Variants in LRRK1 observed in about 807,000 individuals in gnomAD.
LRRK1 encodes leucine rich repeat kinase 1, also known as leucine-rich repeat serine/threonine-protein kinase 1.
Under a neutral mutation model 209.1 loss-of-function variants are expected in LRRK1, and 113 were observed. That is an observed-to-expected ratio of 0.54 (90% CI 0.46 to 0.63). The LOEUF is 0.63. Ranked by LOEUF, LRRK1 falls within the 30% of genes least tolerant of loss-of-function variation. The pLI is 0.00. For synonymous variants in LRRK1, 1,144 were observed against 1,099.7 expected, an observed-to-expected ratio of 1.04 and a Z score of -0.80; for missense variants, 2,284 against 2,632.2, an observed-to-expected ratio of 0.87 and a Z score of 2.89.
Position 101,009,150 on chromosome 15 carries a change from G to A in LRRK1, c.989+87G>A, listed in dbSNP as rs535695842. The A allele has an allele frequency of 4.6e-4, 500 of 1,082,226 alleles. 1 individual carries two copies. The African/African-American group carries it at 7.6e-3, about 17-fold the overall frequency. The allele number at this position is 1,082,226 out of a possible 1,614,324, so 67.0% of individuals were successfully genotyped here. ...ACATGCTCCCGGGTTGTATTTTGTG[G>A]TTTTGGGGGAAAAATGTTCTGGCTA... On this transcript the variant is annotated intron_variant, in intron 7 of 33. Coordinates refer to ENST00000388948, the MANE Select transcript of LRRK1 (RefSeq NM_024652.6).
chr15:101,027,500 G>A lies in LRRK1; in HGVS notation c.2526+119G>A. The A allele has an allele frequency of 6.6e-7, 1 of 1,509,372 alleles. No individual in the cohort carries two copies. The highest frequency in any genetic ancestry group is 8.9e-7 in the Non-Finnish European group (1 of 1,120,376). The allele number at this position is 1,509,372 out of a possible 1,614,324, so 93.5% of individuals were successfully genotyped here. A position where few individuals can be genotyped will look rare whatever the true frequency, so the allele number is the denominator to read the frequency against. Reference sequence around the variant, plus strand: ...GTGTGGCAAGGCTCGGTGGTTCCTGGTGAGGGAGGGTCAGGATGGAAGATA... The same window carrying A: ...GTGTGGCAAGGCTCGGTGGTTCCTGATGAGGGAGGGTCAGGATGGAAGATA... On this transcript the variant is annotated intron_variant, in intron 18 of 33. Transcript: ENST00000388948. This position sits in a 1 kb window ranked among gnomAD's most constrained non-coding sequence, Gnocchi z 5.1.
At chr15:101,055,696 A>AG (rs1319614736) in intron 27 of LRRK1, among the ~76,000 whole-genome samples, 3 of 152,124 alleles carry the variant, frequency 2.0e-5, no homozygotes, top group Non-Finnish European at 2.9e-5. Flanking sequence ...TGAAAGAGCA[A>AG]GCTGGCATCC....
In LRRK1 at chr15:101,071,759, G is replaced by A. The variant is rs932089413; in HGVS notation, c.*2911G>A. The A allele has an allele frequency of 6.6e-6, 1 of 152,224 alleles. No homozygotes were observed. The highest frequency in any genetic ancestry group is 2.4e-5 in the African/African-American group (1 of 41,442). 9.4% of individuals were successfully genotyped at this position (152,224 alleles called of 1,614,324 possible). ...AATAAGCACACAAACAAGTGAGATA[G>A]CAGGGCAGCCGGACCACCCAGTTGG... is the stretch of plus-strand genomic sequence containing the variant. On this transcript the variant is annotated 3_prime_UTR_variant, in exon 34 of 34. Coordinates refer to ENST00000388948, the MANE Select transcript of LRRK1 (RefSeq NM_024652.6).
intron 17 of LRRK1, among the ~76,000 whole-genome samples, chr15:101,026,593 A>T (rs150583387): frequency 2.6e-5 from 4 of 152,324 alleles, no homozygotes; most frequent in African/African-American, 9.6e-5. Flanking sequence ...AGGCATCACG[A>T]CGTGTCCATA....
At chr15:100,994,421 A>C (rs1048564142) in intron 6 of LRRK1, among the ~76,000 whole-genome samples, 4 of 152,348 alleles carry the variant, frequency 2.6e-5, no homozygotes, top group East Asian at 3.9e-4. Context: ...GAAATTCTCC[A>C]GGTGATTCCA....
In LRRK1 at chr15:101,066,036, T is replaced by C; in HGVS notation, c.5599T>C (p.Ser1867Pro). ...SSLPSSPASS[S>P]SVPFSTDCED... ...CCTCCCCAGCTCCCCAGCAAGTTCT[T>C]CCAGTGTGCCTTTCTCCACCGACTG... Residue 1867 changes from serine (S) to proline (P), a missense_variant, in exon 32 of 34, where the codon TCC becomes CCC. Physicochemically the swap from Ser to Pro is moderately conservative, Grantham distance 74. Around this residue, in one of 6 missense-constraint regions of LRRK1, gnomAD observed 643 missense variants for 695.9 expected, o/e 0.92. Transcript: ENST00000388948. 1 of 1,614,080 alleles carries C rather than the reference T, an allele frequency of 6.2e-7. No individual in the cohort carries two copies. Among genetic ancestry groups the C allele is most frequent in the Non-Finnish European group, 8.5e-7 (1 of 1,180,018 alleles).
At position 100,919,782 on chromosome 15, in the gene LRRK1, G is replaced by A. The variant is rs933037016; in HGVS notation, c.-123+331G>A. 1.3e-5 allele frequency among the ~76,000 whole-genome samples: 2 copies of A among 152,196 alleles called. No homozygotes were observed. Among genetic ancestry groups the A allele is most frequent in the Non-Finnish European group, 2.9e-5 (2 of 68,020 alleles). On this transcript the variant is annotated intron_variant, in intron 1 of 33. Transcript: ENST00000388948. This position sits in a 1 kb window ranked among gnomAD's most constrained non-coding sequence, Gnocchi z 5.8. ...CCGTCCGGGCAGGGTCGGGAAAGCT[G>A]GGAAGCGGAGGCAAGAGACACGAGT...
At chr15:100,982,303 G>A (rs1314791196) in intron 3 of LRRK1, among the ~76,000 whole-genome samples, 2 of 152,224 alleles carry the variant, frequency 1.3e-5, no homozygotes, top group African/African-American at 4.8e-5. Context: ...GCTTCCAAAG[G>A]ACTTGACATT....
chr15:101,044,244 A>G (rs1407341915), intron 20 of LRRK1: 2 of 152,202 alleles, frequency 1.3e-5, no homozygotes, highest in Non-Finnish European at 2.9e-5. Context: ...TGGAAGTACC[A>G]TACAGTTTTA....
chr15:100,927,652 A>G lies in LRRK1; in HGVS notation c.97+2923A>G, dbSNP rs552076785. ...ACAGAGTTGAAGAGGAGAGGAAGAT[A>G]GCCTGAAACACCCCAGAAAGTTCTG... On this transcript the variant is annotated intron_variant, in intron 2 of 33. Transcript: ENST00000388948. Among the ~76,000 whole-genome samples the G allele has an allele frequency of 2.6e-5, 4 of 152,344 alleles. No individual in the cohort carries two copies. In the South Asian group the frequency reaches 6.2e-4, roughly 24 times the overall value.
intron 31 of LRRK1, among the ~76,000 whole-genome samples, chr15:101,063,326 C>G (rs1054881699): frequency 3.3e-5 from 5 of 152,304 alleles, no homozygotes; most frequent in African/African-American, 1.2e-4. Context: ...GGCCCGGCAC[C>G]CTCCCCACAA....
Position 101,053,363 on chromosome 15 carries a change from G to A in LRRK1, c.3997G>A (p.Ala1333Thr), listed in dbSNP as rs1029846060. 7 of 1,602,028 alleles carry A rather than the reference G, an allele frequency of 4.4e-6. No homozygotes were observed. The highest frequency in any genetic ancestry group is 1.7e-5 in the Admixed American group (1 of 60,006). The change falls in exon 26 of 34, where the codon GCC becomes ACC. Residue 1333 changes from alanine (A) to threonine (T), a missense_variant. Ala to Thr is a moderately conservative substitution (Grantham distance 58, BLOSUM62 0). Around this residue, in one of 6 missense-constraint regions of LRRK1, gnomAD observed 780 missense variants for 985.2 expected, o/e 0.79. Transcript: ENST00000388948. ...CATCAGCATCCACCCGCTCTGCTTCGCCCTGGAGCTCGCGCCGCTCAGCAG... is the reference window on the plus strand; with the variant it reads ...CATCAGCATCCACCCGCTCTGCTTCACCCTGGAGCTCGCGCCGCTCAGCAG... The part of the protein sequence containing the change: ...IGISIHPLCF[A>T]LELAPLSSLN...
At chr15:100,924,774 A>G in intron 2 of LRRK1, 45 bp downstream of exon 2, 1 of 1,437,080 alleles carries the variant, frequency 7.0e-7, no homozygotes, top group Non-Finnish European at 9.8e-7. Context: ...GTGACCTGCC[A>G]TGCTCATCCT....
At chr15:100,924,194 A>G (rs555206105) in intron 1 of LRRK1, among the ~76,000 whole-genome samples, 1 of 152,366 alleles carries the variant, frequency 6.6e-6, no homozygotes, top group Admixed American at 6.5e-5. Context: ...AGCCTCACAC[A>G]GAGCCTGGCT....
At chr15:100,924,096 C>T (rs1457743142) in intron 1 of LRRK1, among the ~76,000 whole-genome samples, 3 of 152,208 alleles carry the variant, frequency 2.0e-5, no homozygotes, top group East Asian at 1.9e-4. Context: ...AGCCTTGTAT[C>T]GTGACTAACC....
intron 6 of LRRK1, among the ~76,000 whole-genome samples, chr15:100,998,128 C>T (rs145219087): frequency 6.7e-6 from 1 of 150,126 alleles, no homozygotes; most frequent in Non-Finnish European, 1.5e-5. Context: ...TGCAGTGAGC[C>T]GAGATAGTGC....
chr15:101,045,432 G>A (rs1289356926), intron 20 of LRRK1, among the ~76,000 whole-genome samples: 1 of 152,188 alleles, frequency 6.6e-6, no homozygotes, highest in Non-Finnish European at 1.5e-5. Flanking sequence ...ATGACCGAGA[G>A]TGTTCTCGTA....
chr15:100,950,285 A>G (rs1331840586), intron 2 of LRRK1, among the ~76,000 whole-genome samples: 3 of 152,250 alleles, frequency 2.0e-5, no homozygotes, highest in Admixed American at 6.5e-5. Context: ...AAATGTAACA[A>G]AAGAAGCGTA....
rs2032001675 is a variant in LRRK1 at position 100,988,695 on chromosome 15, C to T, written c.495C>T (p.His165=). The change falls in exon 5 of 34, where the codon CAC becomes CAT. Residue 165 remains histidine, a synonymous_variant. Transcript: ENST00000388948. ...WMLALACQRG[H]LGVVKLLVLT... is the part of the protein sequence containing the mutation. ...TGGCCTTGGCTTGCCAGCGAGGGCACCTGGGGGTTGTGAAGCTCCTGGTCC... is the reference window on the plus strand; with the variant it reads ...TGGCCTTGGCTTGCCAGCGAGGGCATCTGGGGGTTGTGAAGCTCCTGGTCC... The T allele has an allele frequency of 2.5e-6, 4 of 1,614,066 alleles. No individual in the cohort carries two copies. The highest frequency in any genetic ancestry group is 3.4e-6 in the Non-Finnish European group (4 of 1,180,048).
Sources: gnomAD v4.1 joint callset for allele counts (sites outside exome capture counted in the v4.1 genomes callset) on GRCh38, gnomAD v4.1.1 for gene constraint, gnomAD v4.1.1 regional missense constraint, Gnocchi (gnomAD v3.1) non-coding constraint, MANE v1.5 for transcripts, NCBI Gene and HGNC (gene_info 2026-07-23, HGNC 2026-07-21) for gene names.